TYR: variants seen among roughly 807,000 people sequenced by gnomAD.
The protein encoded by TYR is LB24-AB.
TYR carries 58 observed loss-of-function variants against 51.5 expected under a neutral mutation model. The observed-to-expected ratio is 1.13, with a 90% CI of 0.91 to 1.40. The LOEUF (loss-of-function observed/expected upper bound fraction) is 1.40, where lower values mean the gene tolerates loss of function less well. Among genes scored for constraint, TYR ranks in the 40% most tolerant of loss-of-function variants. TYR has a pLI of 0.00. For synonymous variants in TYR, 263 were observed against 235.2 expected (o/e 1.12, Z -1.08); for missense variants, 732 against 647.4 (o/e 1.13, Z -1.42).
At chr11:89,215,958 A>G (rs1943827394) in intron 2 of TYR, among the ~76,000 whole-genome samples, 1 of 152,290 alleles carries the variant, frequency 6.6e-6, no homozygotes, top group African/African-American at 2.4e-5. Context: ...CTGTTACTAT[A>G]TTATTATAAT....
Position 89,232,377 on chromosome 11 carries a change from C to A in TYR, c.1184+4407C>A, listed in dbSNP as rs1458893279. Among the ~76,000 whole-genome samples, 4 of 143,494 alleles carry A rather than the reference C, an allele frequency of 2.8e-5. 1 individual carries two copies. The highest frequency in any genetic ancestry group is 1.1e-4 in the African/African-American group (4 of 36,286). 94.1% of individuals were successfully genotyped at this position (143,494 alleles called of 152,430 possible). A position where few individuals can be genotyped will look rare whatever the true frequency, so the allele number is the denominator to read the frequency against. ...CACCATGGAATACTATAAGAAAGAA[C>A]AAAATGATGTCCTTCGCAGCATCGT... is the stretch of plus-strand genomic sequence containing the variant. On this transcript the variant is annotated intron_variant, in intron 3 of 4. Coordinates refer to ENST00000263321, the MANE Select transcript of TYR (RefSeq NM_000372.5).
intron 3 of TYR, among the ~76,000 whole-genome samples, chr11:89,230,686 A>C: frequency 6.6e-6 from 1 of 152,106 alleles, no homozygotes; most frequent in East Asian, 1.9e-4. Context: ...ATAGTTAGAA[A>C]ATAGAAAAAC....
At chr11:89,237,100 AC>A (rs1205744947) in intron 3 of TYR, among the ~76,000 whole-genome samples, 1 of 152,118 alleles carries the variant, frequency 6.6e-6, no homozygotes, top group Non-Finnish European at 1.5e-5. Flanking sequence ...CTATTAACTC[AC>A]AGCACATTCT....
At position 89,188,581 on chromosome 11, in the gene TYR, T is replaced by C. The variant is rs146059326; in HGVS notation, c.820-2621T>C. On this transcript the variant is annotated intron_variant, in intron 1 of 4. Transcript: ENST00000263321. ...CTGACAATGGTAGATTTCCATCTAATGATGGGATACTGCTGAACATTCTAA... is the reference window on the plus strand; with the variant it reads ...CTGACAATGGTAGATTTCCATCTAACGATGGGATACTGCTGAACATTCTAA... 2.8e-4 allele frequency among the ~76,000 whole-genome samples: 43 copies of C among 152,232 alleles called. No homozygotes were observed. In the East Asian group the frequency reaches 7.3e-3, roughly 26 times the overall value.
intron 2 of TYR, among the ~76,000 whole-genome samples, chr11:89,212,880 A>T (rs1449760424): frequency 4.6e-5 from 7 of 152,182 alleles, no homozygotes; most frequent in Admixed American, 4.6e-4. Context: ...CCTTCAACAA[A>T]ATTCAACAGC....
rs533345792 is a variant in TYR at position 89,273,377 on chromosome 11, G to A, written c.1185-11396G>A. On this transcript the variant is annotated intron_variant, in intron 3 of 4. Transcript: ENST00000263321. Reference sequence around the variant, plus strand: ...AGGGAGGAGGACTGTTGGTGATGGGGGCGTGAGGGAAGGAGGATGGCTGGC... The same window carrying A: ...AGGGAGGAGGACTGTTGGTGATGGGAGCGTGAGGGAAGGAGGATGGCTGGC... 1.8e-4 allele frequency among the ~76,000 whole-genome samples: 27 copies of A among 151,894 alleles called. 1 individual carries two copies. Among genetic ancestry groups the A allele is most frequent in the African/African-American group, 6.0e-4 (25 of 41,476 alleles).
At chr11:89,282,264 C>A (rs1944728802) in intron 3 of TYR, among the ~76,000 whole-genome samples, 1 of 151,784 alleles carries the variant, frequency 6.6e-6, no homozygotes, top group Admixed American at 6.6e-5. Flanking sequence ...TTGCCTCCAG[C>A]CCTTATTTAG....
In TYR at chr11:89,252,479, C is replaced by T. The variant is rs1387577539; in HGVS notation, c.1184+24509C>T. On this transcript the variant is annotated intron_variant, in intron 3 of 4. Transcript: ENST00000263321. Reference sequence around the variant, plus strand: ...CAAAATGTCCACATAAATCAAAGACCCTAGAAATCTGTATCATTCATGAAT... The same window carrying T: ...CAAAATGTCCACATAAATCAAAGACTCTAGAAATCTGTATCATTCATGAAT... Among the ~76,000 whole-genome samples the T allele has an allele frequency of 5.3e-5, 8 of 151,576 alleles. No individual in the cohort carries two copies. In the South Asian group the frequency reaches 8.3e-4, roughly 16 times the overall value.
chr11:89,284,328 T>G (rs1024966211), intron 3 of TYR, among the ~76,000 whole-genome samples: 1 of 151,826 alleles, frequency 6.6e-6, no homozygotes, highest in African/African-American at 2.4e-5. Context: ...ACAACATGAA[T>G]GTTTAAATCA....
At chr11:89,192,010 T>C (rs774951069) in intron 2 of TYR, 12 of 453,982 alleles carry the variant, frequency 2.6e-5, no homozygotes, top group South Asian at 1.9e-4. Context: ...TTTAAAATAT[T>C]CTAGGCAGTG....
At chr11:89,246,679 C>T (rs1944271515) in intron 3 of TYR, among the ~76,000 whole-genome samples, 1 of 152,096 alleles carries the variant, frequency 6.6e-6, no homozygotes, top group Admixed American at 6.6e-5. Context: ...TGAGGCTTCT[C>T]TTCTACTCTA....
Position 89,178,645 on chromosome 11 carries a change from T to G in TYR, c.692T>G (p.Phe231Cys). Reference protein sequence around the residue: ...EIQKLTGDENFTIPYWDWRDA... With the variant: ...EIQKLTGDENCTIPYWDWRDA... ...CAGAAGCTGACAGGAGATGAAAACT[T>G]CACTATTCCATATTGGGACTGGCGG... The change falls in exon 1 of 5, where the codon TTC becomes TGC. Residue 231 changes from phenylalanine (F) to cysteine (C), a missense_variant. Physicochemically the swap from Phe to Cys is radical, Grantham distance 205 (BLOSUM62 -2). Coordinates refer to ENST00000263321, the MANE Select transcript of TYR (RefSeq NM_000372.5). The G allele has an allele frequency of 6.2e-7, 1 of 1,613,080 alleles. No homozygotes were observed. Among genetic ancestry groups the G allele is most frequent in the Non-Finnish European group, 8.5e-7 (1 of 1,179,336 alleles).
intron 2 of TYR, among the ~76,000 whole-genome samples, chr11:89,213,238 G>C (rs1395813772): frequency 6.6e-6 from 1 of 152,116 alleles, no homozygotes; most frequent in Non-Finnish European, 1.5e-5. Flanking sequence ...CTTCAGAAAA[G>C]TCTCAGGATA....
chr11:89,197,149 T>C (rs542979585), intron 2 of TYR, among the ~76,000 whole-genome samples: 27 of 152,190 alleles, frequency 1.8e-4, no homozygotes, highest in Admixed American at 1.5e-3. Context: ...ACATATGCAA[T>C]GACACAGAGG....
chr11:89,277,384 T>C (rs1326048326), intron 3 of TYR, among the ~76,000 whole-genome samples: 4 of 151,798 alleles, frequency 2.6e-5, no homozygotes, highest in Non-Finnish European at 4.4e-5. Context: ...GATTGTCACG[T>C]CATCTGTCCT....
chr11:89,195,763 T>C (rs1211611141), intron 2 of TYR, among the ~76,000 whole-genome samples: 1 of 152,164 alleles, frequency 6.6e-6, no homozygotes, highest in Non-Finnish European at 1.5e-5. Flanking sequence ...AGAAGTTTTC[T>C]GATTAGGTTA....
At chr11:89,255,080 T>C (rs1201640290) in intron 3 of TYR, among the ~76,000 whole-genome samples, 1 of 151,886 alleles carries the variant, frequency 6.6e-6, no homozygotes, top group Non-Finnish European at 1.5e-5. Context: ...ACAATGATCA[T>C]TCAGGATCAA....
At chr11:89,248,334 A>C (rs1303513251) in intron 3 of TYR, among the ~76,000 whole-genome samples, 5 of 152,206 alleles carry the variant, frequency 3.3e-5, no homozygotes, top group Non-Finnish European at 7.3e-5. Flanking sequence ...TATAATATCT[A>C]TATATTTTAT....
At chr11:89,198,616 C>G (rs566081355) in intron 2 of TYR, among the ~76,000 whole-genome samples, 3 of 152,276 alleles carry the variant, frequency 2.0e-5, no homozygotes, top group African/African-American at 7.2e-5. Context: ...GTCCTCACAA[C>G]AGTCCTAGGA....
Sources: allele counts gnomAD v4.1 joint callset (sites outside exome capture counted in the v4.1 genomes callset), GRCh38; gene constraint gnomAD v4.1.1; transcripts MANE v1.5; gene names NCBI Gene and HGNC (gene_info 2026-07-23, HGNC 2026-07-21).